Variants in EFR3B observed in about 807,000 individuals in gnomAD.
EFR3B encodes protein EFR3 homolog B.
Under a neutral mutation model 104.7 loss-of-function variants are expected in EFR3B, and 64 were observed. The observed-to-expected ratio is 0.61, with a 90% confidence interval of 0.50 to 0.75. EFR3B has a LOEUF of 0.75. Ranked by LOEUF, EFR3B falls within the 30% of genes least tolerant of loss-of-function variation. EFR3B has a pLI of 0.00. For synonymous variants in EFR3B, 385 were observed against 417.9 expected (o/e 0.92, Z 0.96); for missense variants, 750 against 1,078.5 (o/e 0.70, Z 4.27).
At chr2:25,043,022 G>C (rs891495604) in intron 1 of EFR3B, among the ~76,000 whole-genome samples, 1 of 152,140 alleles carries the variant, frequency 6.6e-6, no homozygotes, top group Non-Finnish European at 1.5e-5. Context: ...GGCTCTGCTT[G>C]ATCATTTGCT....
At chr2:25,046,571 C>T (rs1667724546) in intron 1 of EFR3B, among the ~76,000 whole-genome samples, 1 of 144,306 alleles carries the variant, frequency 6.9e-6, no homozygotes, top group Non-Finnish European at 1.5e-5. Flanking sequence ...GGCGCGATCT[C>T]GGCTCACTGC....
intron 4 of EFR3B, among the ~76,000 whole-genome samples, chr2:25,111,798 G>A (rs1310649081): frequency 6.6e-6 from 1 of 152,172 alleles, no homozygotes; most frequent in Non-Finnish European, 1.5e-5. Context: ...AGATAGAGAA[G>A]GGGGCACAAG....
chr2:25,145,098 T>C lies in EFR3B; in HGVS notation c.2142+47T>C, dbSNP rs1670778877. 2 of 1,523,004 alleles carry C rather than the reference T, an allele frequency of 1.3e-6. 1 individual carries two copies. Among genetic ancestry groups the C allele is most frequent in the Admixed American group, 3.9e-5 (2 of 50,946 alleles). 94.3% of individuals were successfully genotyped at this position (1,523,004 alleles called of 1,614,324 possible). A position where few individuals can be genotyped will look rare whatever the true frequency, so the allele number is the denominator to read the frequency against. On this transcript the variant is annotated intron_variant, in intron 19 of 22. Transcript: ENST00000403714. The stretch of plus-strand genomic sequence containing the variant: ...CTGGGGCAGCCCCACCTCCTGTAGA[T>C]TGGACGCTGGACTCCAGGCTCCCCT...
chr2:25,057,179 T>C (rs2149166908), intron 1 of EFR3B, among the ~76,000 whole-genome samples: 1 of 152,294 alleles, frequency 6.6e-6, no homozygotes, highest in South Asian at 2.1e-4. Flanking sequence ...TCTCCCTTTG[T>C]GAATTCAGTG....
chr2:25,105,624 A>G (rs1377347172), intron 4 of EFR3B, among the ~76,000 whole-genome samples: 1 of 152,226 alleles, frequency 6.6e-6, no homozygotes, highest in East Asian at 1.9e-4. Flanking sequence ...CATTACACAT[A>G]TACTAACTGA....
chr2:25,056,886 A>C (rs1668036798), intron 1 of EFR3B, among the ~76,000 whole-genome samples: 1 of 152,150 alleles, frequency 6.6e-6, no homozygotes, highest in Admixed American at 6.6e-5. Flanking sequence ...TTTCTGGACA[A>C]GGGGAAGAGT....
intron 4 of EFR3B, among the ~76,000 whole-genome samples, chr2:25,110,649 A>T (rs1255003718): frequency 6.6e-6 from 1 of 152,180 alleles, no homozygotes; most frequent in East Asian, 1.9e-4. Context: ...CACAAGTTCA[A>T]GTCTCTTGCA....
intron 1 of EFR3B, chr2:25,081,578 A>G: frequency 1.2e-6 from 1 of 865,604 alleles, no homozygotes; most frequent in South Asian, 1.3e-5. Context: ...TGGTTATTCA[A>G]CAATCCATAA....
intron 1 of EFR3B, among the ~76,000 whole-genome samples, chr2:25,049,883 G>A (rs940932342): frequency 2.0e-5 from 3 of 151,664 alleles, no homozygotes; most frequent in Non-Finnish European, 2.9e-5. Flanking sequence ...GGAAGGCCGA[G>A]GTGGGTGGAT....
chr2:25,136,198 G>GT lies in EFR3B; in HGVS notation c.1485-324dup, dbSNP rs1024825423. Among the ~76,000 whole-genome samples, 1 of 151,992 alleles carries GT rather than the reference G, an allele frequency of 6.6e-6. No individual in the cohort carries two copies. The highest frequency in any genetic ancestry group is 1.5e-5 in the Non-Finnish European group (1 of 67,990). On this transcript the variant is annotated intron_variant, in intron 13 of 22. Transcript: ENST00000403714. This position sits in a 1 kb window ranked among gnomAD's most constrained non-coding sequence, Gnocchi z 4.0. ...CCGAGTGTGGTGGCTCACACCTGTG[G>GT]TCCCAGCTCTTTGGGAGGCTGAGTT...
rs1668802100 is a variant in EFR3B at position 25,081,375 on chromosome 2, A to G, written c.8-9950A>G. 3 of 1,021,092 alleles carry G rather than the reference A, an allele frequency of 2.9e-6. No individual in the cohort carries two copies. The Admixed American group carries it at 5.8e-5, about 20-fold the overall frequency. The allele number at this position is 1,021,092 out of a possible 1,614,324, so 63.3% of individuals were successfully genotyped here. On this transcript the variant is annotated intron_variant, in intron 1 of 22. Coordinates refer to ENST00000403714, the MANE Select transcript of EFR3B (RefSeq NM_014971.2). ...CCCAGAGAACTTGCCAGCAGTACTCATAGTTACAGTTTATCCTGCACATGT... is the reference window on the plus strand; with the variant it reads ...CCCAGAGAACTTGCCAGCAGTACTCGTAGTTACAGTTTATCCTGCACATGT...
intron 1 of EFR3B, among the ~76,000 whole-genome samples, chr2:25,065,145 G>GCTT (rs1371295317): frequency 2.6e-5 from 4 of 151,918 alleles, no homozygotes; most frequent in African/African-American, 4.8e-5. Flanking sequence ...AGCAACAACA[G>GCTT]CTTCTGTTGT....
At position 25,042,144 on chromosome 2, in the gene EFR3B, G is replaced by C. The variant is rs1358418718; in HGVS notation, c.-169G>C. The C allele has an allele frequency of 9.0e-6, 5 of 558,496 alleles. No homozygotes were observed. The highest frequency in any genetic ancestry group is 5.9e-4 in the Middle Eastern group (1 of 1,696). 34.6% of individuals were successfully genotyped at this position (558,496 alleles called of 1,614,324 possible). A position where few individuals can be genotyped will look rare whatever the true frequency, so the allele number is the denominator to read the frequency against. On this transcript the variant is annotated 5_prime_UTR_variant, in exon 1 of 23. Coordinates refer to ENST00000403714, the MANE Select transcript of EFR3B (RefSeq NM_014971.2). This position sits in a 1 kb window ranked among gnomAD's most constrained non-coding sequence, Gnocchi z 5.4. ...GCGCTGAATGGGCTGGCGGCGCCCG[G>C]CTCCGTCCTGCCCGCGGCCGGCCCC... is the stretch of plus-strand genomic sequence containing the variant.
rs184500583 is a variant in EFR3B, at chr2:25,110,706, T to G, written c.363+6919T>G. Among the ~76,000 whole-genome samples, 168 of 152,286 alleles carry G rather than the reference T, an allele frequency of 1.1e-3. 1 individual carries two copies. The highest frequency in any genetic ancestry group is 1.7e-3 in the South Asian group (8 of 4,824). On this transcript the variant is annotated intron_variant, in intron 4 of 22. Coordinates refer to ENST00000403714, the MANE Select transcript of EFR3B (RefSeq NM_014971.2). ...ATAAACAAGAGAAAAACAAAAAAAT[T>G]ACGTTCTCCTGCATAACTACGAAAT...
chr2:25,105,065 A>C (rs1669526878), intron 4 of EFR3B, among the ~76,000 whole-genome samples: 1 of 152,222 alleles, frequency 6.6e-6, no homozygotes. Context: ...ACTATTTTAC[A>C]GATCTTAAGT....
At chr2:25,141,028 G>A (rs543405490) in intron 16 of EFR3B, among the ~76,000 whole-genome samples, 135 of 134,620 alleles carry the variant, frequency 1.0e-3, no homozygotes, top group Middle Eastern at 5.2e-3. Context: ...ACAAGACAGC[G>A]AGACTCCGTC....
intron 5 of EFR3B, among the ~76,000 whole-genome samples, chr2:25,122,903 G>A (rs773929177): frequency 5.3e-5 from 8 of 152,150 alleles, no homozygotes; most frequent in Non-Finnish European, 1.2e-4. Flanking sequence ...GGAGAGCAGT[G>A]GCACTTGACA....
At chr2:25,135,324 TGTAGG>T in intron 12 of EFR3B, 138 bp from the exon 13 acceptor site, 1 of 917,918 alleles carries the variant, frequency 1.1e-6, no homozygotes, top group Admixed American at 2.6e-5. Flanking sequence ...TTGCCTGGGC[TGTAGG>T]GTAGGGGAGG....
chr2:25,091,272 T>G, intron 1 of EFR3B, 53 bp from the exon 2 acceptor site: 1 of 1,532,480 alleles, frequency 6.5e-7, no homozygotes, highest in East Asian at 2.5e-5. Flanking sequence ...CTCCAACCTT[T>G]CCTGGGCCCG....
Sources: gnomAD v4.1 joint callset for allele counts (sites outside exome capture counted in the v4.1 genomes callset) on GRCh38, gnomAD v4.1.1 for gene constraint, Gnocchi (gnomAD v3.1) non-coding constraint, MANE v1.5 for transcripts, NCBI Gene and HGNC (gene_info 2026-07-23, HGNC 2026-07-21) for gene names.